FOXN2: variants seen among roughly 807,000 people sequenced by gnomAD.
The protein encoded by FOXN2 is forkhead box N2, also known as forkhead box protein N2.
In FOXN2, 19 loss-of-function variants were observed where a neutral mutation model predicts 41.2. The ratio of observed to expected loss-of-function variants is 0.46; its 90% CI spans 0.32 to 0.68. The LOEUF (loss-of-function observed/expected upper bound fraction) is 0.68, where lower values mean the gene tolerates loss of function less well. Ranked by LOEUF, FOXN2 falls within the 30% of genes least tolerant of loss-of-function variation. FOXN2 has a pLI of 0.03. For missense variants in FOXN2, 587 were observed against 509.4 expected (o/e 1.15, Z -1.47); for synonymous variants, 195 against 176.8 (o/e 1.10, Z -0.82).
intron 5 of FOXN2, among the ~76,000 whole-genome samples, chr2:48,366,263 G>T (rs1672527215): frequency 6.6e-6 from 1 of 151,876 alleles, no homozygotes; most frequent in African/African-American, 2.4e-5. Context: ...GGAGGCTGAG[G>T]CAGGAGAATC....
intron 1 of FOXN2, among the ~76,000 whole-genome samples, chr2:48,322,935 G>A (rs1210292197): frequency 3.3e-5 from 5 of 150,352 alleles, no homozygotes; most frequent in South Asian, 4.2e-4. Flanking sequence ...ACTTTGTGTG[G>A]GATTCAATCT....
Position 48,375,484 on chromosome 2 carries a change from T to C in FOXN2, c.*41T>C, listed in dbSNP as rs749256325. 49 of 1,519,774 alleles carry C rather than the reference T, an allele frequency of 3.2e-5. No individual in the cohort carries two copies. The highest frequency in any genetic ancestry group is 2.7e-6 in the Non-Finnish European group (3 of 1,130,144). The allele number at this position is 1,519,774 out of a possible 1,614,324, so 94.1% of individuals were successfully genotyped here. ...GGCAATACTCTTTCACTTAATTCTT[T>C]ACAAGGGATATCAAAGCCATAATGG... On this transcript the variant is annotated 3_prime_UTR_variant, in exon 7 of 7. Coordinates refer to ENST00000340553, the MANE Select transcript of FOXN2 (RefSeq NM_002158.4).
At chr2:48,351,955 C>T (rs1451051019) in intron 3 of FOXN2, among the ~76,000 whole-genome samples, 2 of 152,144 alleles carry the variant, frequency 1.3e-5, no homozygotes, top group Non-Finnish European at 2.9e-5. Context: ...GGGCAGTAGG[C>T]ATATTCTCTG....
chr2:48,347,249 G>C (rs1671171174), intron 3 of FOXN2, among the ~76,000 whole-genome samples: 2 of 108,778 alleles, frequency 1.8e-5, no homozygotes, highest in Non-Finnish European at 3.6e-5. Context: ...TTTTTTGTGA[G>C]ACAGTCTCGA....
chr2:48,372,330 T>G (rs892662330), intron 5 of FOXN2, among the ~76,000 whole-genome samples: 11 of 152,230 alleles, frequency 7.2e-5, no homozygotes, highest in African/African-American at 2.4e-4. Context: ...AGTCATTATC[T>G]TCATGGCTTT....
At chr2:48,326,884 C>A (rs1192047377) in intron 1 of FOXN2, among the ~76,000 whole-genome samples, 1 of 152,116 alleles carries the variant, frequency 6.6e-6, no homozygotes, top group Non-Finnish European at 1.5e-5. Flanking sequence ...AGTAAATATT[C>A]CAAAGTCCCA....
intron 3 of FOXN2, among the ~76,000 whole-genome samples, chr2:48,353,466 C>G (rs922123290): frequency 6.6e-6 from 1 of 151,282 alleles, no homozygotes; most frequent in African/African-American, 2.4e-5. Flanking sequence ...CATACATATC[C>G]CAGTTATGTA....
chr2:48,371,887 G>A (rs923718336), intron 5 of FOXN2, among the ~76,000 whole-genome samples: 1 of 152,038 alleles, frequency 6.6e-6, no homozygotes, highest in Non-Finnish European at 1.5e-5. Flanking sequence ...TATTAATTTT[G>A]TATCTTGCAA....
At chr2:48,357,178 A>G (rs1671848183) in intron 3 of FOXN2, among the ~76,000 whole-genome samples, 2 of 152,214 alleles carry the variant, frequency 1.3e-5, no homozygotes, top group South Asian at 2.1e-4. Flanking sequence ...CCAGACTGTT[A>G]CTTGAGACCA....
intron 2 of FOXN2, among the ~76,000 whole-genome samples, chr2:48,333,412 AT>A (rs1670137273): frequency 6.6e-6 from 1 of 152,160 alleles, no homozygotes; most frequent in Admixed American, 6.5e-5. Flanking sequence ...TCCTATATAC[AT>A]TTAGGTACTT....
chr2:48,315,969 G>C (rs555020198), intron 1 of FOXN2, among the ~76,000 whole-genome samples: 3 of 152,360 alleles, frequency 2.0e-5, no homozygotes, highest in African/African-American at 7.2e-5. Context: ...GGGCAGTTAA[G>C]TATTTACAGG....
At chr2:48,330,975 TAC>T (rs1669985090) in intron 2 of FOXN2, among the ~76,000 whole-genome samples, 1 of 152,168 alleles carries the variant, frequency 6.6e-6, no homozygotes, top group Non-Finnish European at 1.5e-5. Flanking sequence ...GGCCCCTTGG[TAC>T]AGTTATTCAA....
intron 2 of FOXN2, among the ~76,000 whole-genome samples, chr2:48,345,737 G>T (rs1671053777): frequency 6.6e-6 from 1 of 151,618 alleles, no homozygotes; most frequent in African/African-American, 2.4e-5. Context: ...TTGAGGAAAG[G>T]GTTTATTTTA....
intron 2 of FOXN2, among the ~76,000 whole-genome samples, chr2:48,336,158 C>A (rs936031039): frequency 6.6e-6 from 1 of 152,026 alleles, no homozygotes; most frequent in Non-Finnish European, 1.5e-5. Flanking sequence ...GATACCAGCA[C>A]TTTGGGAGGC....
At chr2:48,321,462 G>A (rs1479215519) in intron 1 of FOXN2, among the ~76,000 whole-genome samples, 1 of 152,178 alleles carries the variant, frequency 6.6e-6, no homozygotes, top group African/African-American at 2.4e-5. Context: ...CCTGAACCCG[G>A]GAGGCAGAGC....
chr2:48,317,430 C>T lies in FOXN2; in HGVS notation c.-157+2616C>T, dbSNP rs575944028. Among the ~76,000 whole-genome samples, 74 of 148,536 alleles carry T rather than the reference C, an allele frequency of 5.0e-4. 1 individual carries two copies. The highest frequency in any genetic ancestry group is 1.6e-3 in the African/African-American group (65 of 40,186). ...TGCCACTGCACTCCAGCCTGGGCAA[C>T]GGGGCAAAACTCTGTCTCAAAAAAA... is the stretch of plus-strand genomic sequence containing the variant. On this transcript the variant is annotated intron_variant, in intron 1 of 6. Transcript: ENST00000340553.
intron 5 of FOXN2, among the ~76,000 whole-genome samples, chr2:48,371,751 T>C (rs1023876985): frequency 1.3e-5 from 2 of 152,178 alleles, no homozygotes; most frequent in African/African-American, 4.8e-5. Flanking sequence ...CTGTTTGTAT[T>C]GTCTTCAATT....
rs1668770965 is a variant in FOXN2, at chr2:48,314,801, C to A, written c.-170C>A. 6.6e-6 allele frequency: 1 copy of A among 152,186 alleles called. No homozygotes were observed. Among genetic ancestry groups the A allele is most frequent in the South Asian group, 2.1e-4 (1 of 4,836 alleles). The allele number at this position is 152,186 out of a possible 1,614,324, so 9.4% of individuals were successfully genotyped here. A position where few individuals can be genotyped will look rare whatever the true frequency, so the allele number is the denominator to read the frequency against. ...CTTCCCCGGCCGGTCCCTCGCCTCC[C>A]GGCCGAGCTGACGGTGAGTCCCGGG... is the stretch of plus-strand genomic sequence containing the variant. On this transcript the variant is annotated 5_prime_UTR_variant, in exon 1 of 7. Transcript: ENST00000340553.
At chr2:48,333,139 A>G (rs750461940) in intron 2 of FOXN2, among the ~76,000 whole-genome samples, 5 of 152,124 alleles carry the variant, frequency 3.3e-5, no homozygotes, top group Non-Finnish European at 5.9e-5. Flanking sequence ...TAATTATATA[A>G]TATTTACGAT....
Sources: gnomAD v4.1 joint callset for allele counts (sites outside exome capture counted in the v4.1 genomes callset) on GRCh38, gnomAD v4.1.1 for gene constraint, MANE v1.5 for transcripts, NCBI Gene and HGNC (gene_info 2026-07-23, HGNC 2026-07-21) for gene names.